Variants in SYT6 observed in about 807,000 individuals in gnomAD.
SYT6 encodes synaptotagmin-6.
A neutral mutation model predicts 38.4 loss-of-function variants in SYT6; 24 were observed. That is an observed-to-expected ratio of 0.62 (90% CI 0.45 to 0.88). The LOEUF is 0.88. Among genes scored for constraint, SYT6 ranks in the 40% least tolerant of loss-of-function variants. The pLI is 0.00. For synonymous variants in SYT6, 265 were observed against 241.9 expected, an observed-to-expected ratio of 1.10 and a Z score of -0.89; for missense variants, 611 against 621.0, an observed-to-expected ratio of 0.98 and a Z score of 0.17.
At chr1:114,135,793 C>A (rs1369650612) in intron 3 of SYT6, among the ~76,000 whole-genome samples, 1 of 152,206 alleles carries the variant, frequency 6.6e-6, no homozygotes, top group Admixed American at 6.5e-5. Flanking sequence ...CTTCCTGCAG[C>A]CCCTGGCCCT....
intron 3 of SYT6, among the ~76,000 whole-genome samples, chr1:114,130,931 C>A (rs568574635): frequency 6.6e-6 from 1 of 152,332 alleles, no homozygotes; most frequent in South Asian, 2.1e-4. Context: ...TAATGAGTCA[C>A]AGTGGATCAA....
intron 4 of SYT6, 63 bp downstream of exon 4, chr1:114,103,538 C>T (rs1250579667): frequency 3.5e-5 from 56 of 1,597,372 alleles, no homozygotes; most frequent in Non-Finnish European, 4.5e-5. Context: ...TCCTTCTCCC[C>T]GAACACCCTT....
chr1:114,143,570 G>GTA (rs1339391126), intron 1 of SYT6, among the ~76,000 whole-genome samples: 1 of 148,780 alleles, frequency 6.7e-6, no homozygotes, highest in African/African-American at 2.5e-5. Flanking sequence ...GTGTGTGTGT[G>GTA]TGTGTATATA....
In SYT6 at chr1:114,091,952, G is replaced by A. The variant is rs1337886737; in HGVS notation, c.*182C>T. 9.2e-6 allele frequency: 14 copies of A among 1,515,518 alleles called. No individual in the cohort carries two copies. The highest frequency in any genetic ancestry group is 1.2e-5 in the Non-Finnish European group (14 of 1,128,220). 93.9% of individuals were successfully genotyped at this position (1,515,518 alleles called of 1,614,324 possible). On this transcript the variant is annotated 3_prime_UTR_variant, in exon 8 of 8. Coordinates refer to ENST00000610222, the MANE Select transcript of SYT6 (RefSeq NM_001253772.2). ...GCGACTGCACAACACTGTTTAGACG[G>A]TTGAACAAGTGCAAAGAGAACATTG...
chr1:114,128,691 A>G (rs1187268298), intron 3 of SYT6, among the ~76,000 whole-genome samples: 1 of 152,170 alleles, frequency 6.6e-6, no homozygotes, highest in Non-Finnish European at 1.5e-5. Context: ...AGCATCTAAT[A>G]CAGCTGAGCC....
At chr1:114,133,571 T>C (rs1234623898) in intron 3 of SYT6, among the ~76,000 whole-genome samples, 1 of 152,144 alleles carries the variant, frequency 6.6e-6, no homozygotes, top group Non-Finnish European at 1.5e-5. Flanking sequence ...CCCAGGAGAC[T>C]ATCAGGGGCC....
intron 4 of SYT6, among the ~76,000 whole-genome samples, chr1:114,102,393 G>T (rs1676024536): frequency 6.6e-6 from 1 of 152,076 alleles, no homozygotes. Context: ...AGGGTTTCCT[G>T]AGCACCTTGT....
chr1:114,094,991 GC>G (rs1232926202), intron 6 of SYT6, among the ~76,000 whole-genome samples: 2 of 152,168 alleles, frequency 1.3e-5, no homozygotes, highest in African/African-American at 2.4e-5. Flanking sequence ...AACTGTGGGC[GC>G]TAAATGTGTC....
rs542349490 is a variant in SYT6 at position 114,140,064 on chromosome 1, G to A, written c.164-101C>T. 91 of 660,010 alleles carry A rather than the reference G, an allele frequency of 1.4e-4. 1 individual carries two copies. In the South Asian group the frequency reaches 1.8e-3, roughly 13 times the overall value. The allele number at this position is 660,010 out of a possible 1,614,324, so 40.9% of individuals were successfully genotyped here. On this transcript the variant is annotated intron_variant, in intron 1 of 7. Transcript: ENST00000610222. Reference sequence around the variant, plus strand: ...GGGGGCACACGGAAGGGACAAAGACGGAAGAAGAGAGAAGAATGGTCATGA... The same window carrying A: ...GGGGGCACACGGAAGGGACAAAGACAGAAGAAGAGAGAAGAATGGTCATGA...
In SYT6 at chr1:114,091,003, G is replaced by A. The variant is rs1167332589; in HGVS notation, c.*1131C>T. On this transcript the variant is annotated 3_prime_UTR_variant, in exon 8 of 8. Transcript: ENST00000610222. ...GCCAAAGGGGCTGAAATAGGCTTAC[G>A]CTGACTCGGTTTCAATCAAAAACAT... 3.3e-5 allele frequency: 5 copies of A among 152,954 alleles called. No homozygotes were observed. The highest frequency in any genetic ancestry group is 2.1e-4 in the South Asian group (1 of 4,830). 9.5% of individuals were successfully genotyped at this position (152,954 alleles called of 1,614,324 possible).
chr1:114,129,835 C>G (rs1344444299), intron 3 of SYT6, among the ~76,000 whole-genome samples: 1 of 100,858 alleles, frequency 9.9e-6, no homozygotes. Context: ...CACCACCACA[C>G]CTGTTTTTTT....
chr1:114,116,656 C>T (rs1677016003), intron 3 of SYT6, among the ~76,000 whole-genome samples: 1 of 152,140 alleles, frequency 6.6e-6, no homozygotes, highest in African/African-American at 2.4e-5. Flanking sequence ...AAGCAACTCC[C>T]ATCACATGCC....
chr1:114,102,651 G>A (rs1033724042), intron 4 of SYT6, among the ~76,000 whole-genome samples: 10 of 152,076 alleles, frequency 6.6e-5, no homozygotes, highest in Non-Finnish European at 2.9e-5. Flanking sequence ...TCCCAGCTAA[G>A]TTCAGAAGCA....
chr1:114,117,748 G>A (rs765228723), intron 3 of SYT6, among the ~76,000 whole-genome samples: 2 of 152,228 alleles, frequency 1.3e-5, no homozygotes, highest in Admixed American at 6.5e-5. Flanking sequence ...GCTCTCAGAG[G>A]TCTGGGTTCA....
chr1:114,117,888 G>A (rs1330522697), intron 3 of SYT6, among the ~76,000 whole-genome samples: 1 of 152,186 alleles, frequency 6.6e-6, no homozygotes, highest in African/African-American at 2.4e-5. Flanking sequence ...AGTAAAATAG[G>A]GTGAACCGTG....
intron 4 of SYT6, among the ~76,000 whole-genome samples, chr1:114,103,388 T>A (rs557598591): frequency 1.1e-4 from 17 of 152,402 alleles, no homozygotes; most frequent in African/African-American, 4.1e-4. Context: ...GCAACCCATG[T>A]AAGATATTAT....
chr1:114,109,175 C>A (rs1676521306), intron 3 of SYT6, among the ~76,000 whole-genome samples: 2 of 152,216 alleles, frequency 1.3e-5, no homozygotes, highest in Non-Finnish European at 2.9e-5. Context: ...CCTCCCATAG[C>A]AACACAGGCC....
intron 3 of SYT6, among the ~76,000 whole-genome samples, chr1:114,111,060 G>A (rs990267914): frequency 6.6e-6 from 1 of 152,150 alleles, no homozygotes; most frequent in Non-Finnish European, 1.5e-5. Context: ...AACACCTCGG[G>A]CTCCCTCCTT....
At chr1:114,124,159 G>A (rs1677589220) in intron 3 of SYT6, among the ~76,000 whole-genome samples, 1 of 152,202 alleles carries the variant, frequency 6.6e-6, no homozygotes, top group African/African-American at 2.4e-5. Context: ...CCACAGAAAT[G>A]CCAATGGCCA....
Sources: gnomAD v4.1 joint callset for allele counts (sites outside exome capture counted in the v4.1 genomes callset) on GRCh38, gnomAD v4.1.1 for gene constraint, MANE v1.5 for transcripts, NCBI Gene and HGNC (gene_info 2026-07-23, HGNC 2026-07-21) for gene names.